The following GLB1 variants were observed in gnomAD, a reference collection of about 807,000 sequenced individuals.
GLB1 encodes galactosidase beta 1, also known as beta-galactosidase.
A neutral mutation model predicts 74.0 loss-of-function variants in GLB1; 56 were observed. The observed-to-expected ratio is 0.76, with a 90% confidence interval of 0.61 to 0.94. The LOEUF (loss-of-function observed/expected upper bound fraction) is 0.94, where lower values mean the gene tolerates loss of function less well. Ranked by LOEUF, GLB1 falls within the 40% of genes least tolerant of loss-of-function variation. The pLI is 0.00. For synonymous variants in GLB1, 323 were observed against 323.6 expected (o/e 1.00, Z 0.02); for missense variants, 787 against 845.5 (o/e 0.93, Z 0.86).
intron 1 of GLB1, among the ~76,000 whole-genome samples, chr3:33,076,667 G>A (rs751082801): frequency 1.3e-4 from 20 of 152,078 alleles, no homozygotes; most frequent in Non-Finnish European, 2.5e-4. Context: ...CAGAGAGAGC[G>A]AGCATGTGAG....
intron 1 of GLB1, among the ~76,000 whole-genome samples, chr3:33,087,579 G>GCACACA (rs57935919): frequency 7.8e-5 from 11 of 141,908 alleles, no homozygotes; most frequent in African/African-American, 2.9e-4. Flanking sequence ...CAGCATGCGC[G>GCACACA]CACACACACA....
At chr3:32,966,537 T>C in the GLB1 span, among the ~76,000 whole-genome samples, 2 of 152,212 alleles carry the variant, frequency 1.3e-5, no homozygotes, top group African/African-American at 4.8e-5. Flanking sequence ...TTGTTTCAGA[T>C]GAGACTTTGG....
chr3:33,024,430 G>T, intron 10 of GLB1, 105 bp from the exon 11 acceptor site: 1 of 1,257,626 alleles, frequency 8.0e-7, no homozygotes, highest in Non-Finnish European at 1.1e-6. Flanking sequence ...AGACTCAACA[G>T]TGCCACTGCT....
intron 10 of GLB1, chr3:33,030,632 T>G: frequency 2.0e-6 from 2 of 985,438 alleles, no homozygotes; most frequent in Non-Finnish European, 2.4e-6. Context: ...ATTAAGCTTT[T>G]GAAGTACAGA....
intron 15 of GLB1, among the ~76,000 whole-genome samples, chr3:33,007,127 T>C (rs891964434): frequency 1.3e-5 from 2 of 152,142 alleles, no homozygotes; most frequent in African/African-American, 4.8e-5. Context: ...ACCACATTGG[T>C]TCTGTGTTAG....
chr3:32,975,385 C>T, the GLB1 span, among the ~76,000 whole-genome samples: 7 of 152,116 alleles, frequency 4.6e-5, no homozygotes, highest in Admixed American at 3.3e-4. Flanking sequence ...CTGCCCCTGG[C>T]TGGGTCTGGC....
the GLB1 span, among the ~76,000 whole-genome samples, chr3:32,986,013 ACT>A: frequency 4.0e-5 from 6 of 151,644 alleles, no homozygotes; most frequent in Admixed American, 1.3e-4. Context: ...CACCTGGACA[ACT>A]CTCTATTTTT....
At chr3:33,081,743 G>A (rs9863331) in intron 1 of GLB1, among the ~76,000 whole-genome samples, 62 of 152,226 alleles carry the variant, frequency 4.1e-4, no homozygotes, top group African/African-American at 1.4e-3. Context: ...CAAGGTCACA[G>A]TGGCAACCAG....
chr3:33,097,034 G>A lies in GLB1; in HGVS notation c.52C>T (p.Leu18=). 6.2e-7 allele frequency: 1 copy of A among 1,612,432 alleles called. No individual in the cohort carries two copies. The highest frequency in any genetic ancestry group is 8.5e-7 in the Non-Finnish European group (1 of 1,179,052). Residue 18 remains leucine, a synonymous_variant, in exon 1 of 16, where the codon CTG becomes TTG. Transcript: ENST00000307363. ...ILPLLLVLLL[L]GPTRGLRNAT... ...ACGCGCAAGCCGCGCGTAGGGCCCAGAAGCAGCAGAACCAGCAACAGAGGG... is the reference window on the plus strand; with the variant it reads ...ACGCGCAAGCCGCGCGTAGGGCCCAAAAGCAGCAGAACCAGCAACAGAGGG...
intron 1 of GLB1, chr3:33,091,652 C>T (rs1483900283): frequency 1.0e-6 from 1 of 984,674 alleles, no homozygotes. Flanking sequence ...ATAATTATCC[C>T]CATTTTAGGG....
the GLB1 span, among the ~76,000 whole-genome samples, chr3:32,980,214 T>C: frequency 6.6e-6 from 1 of 152,200 alleles, no homozygotes; most frequent in East Asian, 1.9e-4. Flanking sequence ...TTCCATTCCC[T>C]CCTTACTTAA....
chr3:32,994,395 G>A (rs952053695), downstream of GLB1, among the ~76,000 whole-genome samples: 3 of 152,172 alleles, frequency 2.0e-5, no homozygotes, highest in African/African-American at 7.2e-5. Flanking sequence ...GGTAATAAAA[G>A]TACTCCCCTT....
chr3:33,055,187 G>A (rs905895098), intron 6 of GLB1, among the ~76,000 whole-genome samples: 4 of 152,208 alleles, frequency 2.6e-5, no homozygotes, highest in Non-Finnish European at 5.9e-5. Context: ...AGACTGGAGG[G>A]CCCATCTGCC....
intron 15 of GLB1, among the ~76,000 whole-genome samples, chr3:33,013,107 C>T (rs1165331298): frequency 1.3e-5 from 2 of 152,200 alleles, no homozygotes; most frequent in Non-Finnish European, 2.9e-5. Context: ...ACTTTCCACA[C>T]TTGACATTTT....
intron 4 of GLB1, among the ~76,000 whole-genome samples, chr3:33,066,838 C>T (rs1192996517): frequency 1.3e-5 from 2 of 151,860 alleles, no homozygotes; most frequent in Admixed American, 1.3e-4. Context: ...GTGAAAACAC[C>T]AATAATATGC....
chr3:32,964,582 C>A, the GLB1 span, among the ~76,000 whole-genome samples: 1 of 152,148 alleles, frequency 6.6e-6, no homozygotes, highest in African/African-American at 2.4e-5. Context: ...CAATATATAA[C>A]AACAGAAGTC....
chr3:33,031,684 T>C (rs1220658614), intron 10 of GLB1, among the ~76,000 whole-genome samples: 1 of 120,064 alleles, frequency 8.3e-6, no homozygotes, highest in Non-Finnish European at 1.7e-5. Flanking sequence ...TAATCTCCAC[T>C]AAATCTTGTA....
At chr3:32,985,754 T>G in the GLB1 span, among the ~76,000 whole-genome samples, 1 of 152,050 alleles carries the variant, frequency 6.6e-6, no homozygotes, top group Non-Finnish European at 1.5e-5. Flanking sequence ...TACGCAGATT[T>G]CAGTGCAGTG....
intron 1 of GLB1, among the ~76,000 whole-genome samples, chr3:33,081,020 G>C (rs1055289249): frequency 6.6e-6 from 1 of 152,204 alleles, no homozygotes; most frequent in African/African-American, 2.4e-5. Context: ...GGAGCAGTCG[G>C]TATCTGCACT....
Sources: allele counts gnomAD v4.1 joint callset (sites outside exome capture counted in the v4.1 genomes callset), GRCh38; gene constraint gnomAD v4.1.1; transcripts MANE v1.5; gene names NCBI Gene and HGNC (gene_info 2026-07-23, HGNC 2026-07-21).